The following SGMS1 variants were observed in gnomAD, a reference collection of about 807,000 sequenced individuals.
SGMS1 encodes the protein sphingomyelin synthase 1.
SGMS1 carries 13 observed loss-of-function variants against 46.2 expected under a neutral mutation model. The ratio of observed to expected loss-of-function variants is 0.28; its 90% confidence interval spans 0.18 to 0.45. The LOEUF (loss-of-function observed/expected upper bound fraction) is 0.45. SGMS1 is among the 20% of genes least tolerant of loss of function. The pLI is 1.00. For missense variants in SGMS1, 324 were observed against 519.9 expected, an observed-to-expected ratio of 0.62 and a Z score of 3.66; for synonymous variants, 203 against 187.8, an observed-to-expected ratio of 1.08 and a Z score of -0.66.
At chr10:50,594,725 A>C (rs1407793481) in intron 1 of SGMS1, among the ~76,000 whole-genome samples, 12 of 152,246 alleles carry the variant, frequency 7.9e-5, no homozygotes, top group Non-Finnish European at 1.8e-4. Flanking sequence ...ATCAGCATGA[A>C]ATACAAATAA....
Position 50,584,327 on chromosome 10 carries a change from G to A in SGMS1, c.-589+5826C>T, listed in dbSNP as rs184027085. Among the ~76,000 whole-genome samples the A allele has an allele frequency of 4.6e-5, 7 of 151,998 alleles. No homozygotes were observed. The East Asian group carries it at 9.7e-4, about 21-fold the overall frequency. ...AGCCTGGCCAACATAGTGAAACGCTGTCTCTACTAAAAATACAAAAAATTA... is the reference window on the plus strand; with the variant it reads ...AGCCTGGCCAACATAGTGAAACGCTATCTCTACTAAAAATACAAAAAATTA... On this transcript the variant is annotated intron_variant, in intron 2 of 10. Transcript: ENST00000361781.
chr10:50,471,544 A>G (rs1003792047), intron 3 of SGMS1, among the ~76,000 whole-genome samples: 1 of 152,222 alleles, frequency 6.6e-6, no homozygotes, highest in African/African-American at 2.4e-5. Context: ...TTCCTGGTTT[A>G]CTGGTGGAAT....
intron 8 of SGMS1, among the ~76,000 whole-genome samples, chr10:50,317,820 T>TTTG (rs1554921832): frequency 8.4e-4 from 127 of 151,016 alleles, no homozygotes; most frequent in African/African-American, 2.9e-3. Context: ...TTTTTTTTTT[T>TTTG]AGACAGTCTC....
chr10:50,348,403 A>G (rs1847949957), intron 6 of SGMS1, among the ~76,000 whole-genome samples: 2 of 152,208 alleles, frequency 1.3e-5, no homozygotes, highest in African/African-American at 2.4e-5. Context: ...ACATGATTGT[A>G]TATTTAGAAA....
intron 5 of SGMS1, among the ~76,000 whole-genome samples, chr10:50,456,814 A>G (rs948383511): frequency 5.3e-5 from 8 of 152,214 alleles, no homozygotes; most frequent in Admixed American, 2.0e-4. Flanking sequence ...AAAACACTGA[A>G]GTTACTTGTC....
intron 6 of SGMS1, among the ~76,000 whole-genome samples, chr10:50,419,287 C>T (rs958942496): frequency 2.6e-5 from 4 of 152,082 alleles, no homozygotes; most frequent in Admixed American, 2.0e-4. Context: ...GTCCTGAATC[C>T]GAATCTCCAA....
intron 2 of SGMS1, among the ~76,000 whole-genome samples, chr10:50,576,094 G>A (rs1838382710): frequency 6.6e-6 from 1 of 151,942 alleles, no homozygotes; most frequent in African/African-American, 2.4e-5. Flanking sequence ...CCCAGCAAAA[G>A]TCAAGCAGGA....
At chr10:50,419,049 G>A (rs1019396992) in intron 6 of SGMS1, among the ~76,000 whole-genome samples, 42 of 152,196 alleles carry the variant, frequency 2.8e-4, no homozygotes, top group African/African-American at 7.5e-4. Context: ...ATCTCTTACT[G>A]TGCCTAATTT....
intron 2 of SGMS1, among the ~76,000 whole-genome samples, chr10:50,527,331 G>A (rs1837913122): frequency 6.6e-6 from 1 of 152,172 alleles, no homozygotes; most frequent in African/African-American, 2.4e-5. Flanking sequence ...AGTGCTGCAA[G>A]CAACATGTGT....
At chr10:50,589,354 T>A (rs775033016) in intron 2 of SGMS1, among the ~76,000 whole-genome samples, 5 of 152,152 alleles carry the variant, frequency 3.3e-5, no homozygotes, top group Non-Finnish European at 7.4e-5. Context: ...CTCCAACTCC[T>A]GGGCTCAAGC....
At position 50,553,965 on chromosome 10, in the gene SGMS1, T is replaced by C. The variant is rs1489901346; in HGVS notation, c.-588-34044A>G. On this transcript the variant is annotated intron_variant, in intron 2 of 10. Transcript: ENST00000361781. ...GGCACCTGAAAACAGAAGGGACACA[T>C]AGGGTCTTGGTACAATATATGAAAG... Among the ~76,000 whole-genome samples, 3 of 152,144 alleles carry C rather than the reference T, an allele frequency of 2.0e-5. No individual in the cohort carries two copies. The East Asian group carries it at 5.8e-4, about 29-fold the overall frequency.
At chr10:50,352,633 T>C (rs1163280892) in intron 6 of SGMS1, among the ~76,000 whole-genome samples, 2 of 152,192 alleles carry the variant, frequency 1.3e-5, no homozygotes, top group East Asian at 1.9e-4. Flanking sequence ...ATCTCATACA[T>C]AGCAAAGAGT....
intron 2 of SGMS1, among the ~76,000 whole-genome samples, chr10:50,554,041 C>T (rs553313193): frequency 6.6e-6 from 1 of 152,286 alleles, no homozygotes; most frequent in East Asian, 1.9e-4. Flanking sequence ...CACCACCTAA[C>T]CGTCACCTAC....
intron 5 of SGMS1, among the ~76,000 whole-genome samples, chr10:50,451,301 G>A (rs1034451803): frequency 1.3e-5 from 2 of 152,128 alleles, no homozygotes; most frequent in African/African-American, 2.4e-5. Flanking sequence ...CAGTTGGCAT[G>A]TTTACCATGT....
At chr10:50,457,983 T>C (rs1837213694) in intron 5 of SGMS1, among the ~76,000 whole-genome samples, 1 of 152,190 alleles carries the variant, frequency 6.6e-6, no homozygotes, top group African/African-American at 2.4e-5. Context: ...TCGACCCTAA[T>C]TGCTGCTAGC....
chr10:50,548,384 T>C (rs889909910), intron 2 of SGMS1, among the ~76,000 whole-genome samples: 2 of 151,906 alleles, frequency 1.3e-5, no homozygotes, highest in African/African-American at 2.4e-5. Flanking sequence ...TAGAACAGAA[T>C]ACAGAACTCA....
chr10:50,348,210 T>C (rs763884587), intron 6 of SGMS1, among the ~76,000 whole-genome samples: 1 of 152,208 alleles, frequency 6.6e-6, no homozygotes, highest in Non-Finnish European at 1.5e-5. Flanking sequence ...AATATCATAC[T>C]GAAAGGACAA....
chr10:50,483,340 A>G (rs970910076), intron 3 of SGMS1, among the ~76,000 whole-genome samples: 2 of 152,156 alleles, frequency 1.3e-5, no homozygotes, highest in Non-Finnish European at 2.9e-5. Flanking sequence ...TCAGCCCCAC[A>G]AGGTGCTGGG....
chr10:50,488,340 C>G (rs545785141), intron 3 of SGMS1, among the ~76,000 whole-genome samples: 3 of 152,114 alleles, frequency 2.0e-5, no homozygotes, highest in Non-Finnish European at 2.9e-5. Flanking sequence ...AAAACAAGAG[C>G]CTCCAGAACC....
Sources: allele counts gnomAD v4.1 joint callset (sites outside exome capture counted in the v4.1 genomes callset), GRCh38; gene constraint gnomAD v4.1.1; transcripts MANE v1.5; gene names NCBI Gene and HGNC (gene_info 2026-07-23, HGNC 2026-07-21).